Variants in YIPF4 observed in about 807,000 individuals in gnomAD.
YIPF4 encodes protein YIPF4.
YIPF4 carries 18 observed loss-of-function variants against 29.4 expected under a neutral mutation model. The ratio of observed to expected loss-of-function variants is 0.61; its 90% CI spans 0.42 to 0.91. YIPF4 has a LOEUF of 0.91. Among genes scored for constraint, YIPF4 ranks in the 40% least tolerant of loss-of-function variants. YIPF4 has a pLI of 0.00. For synonymous variants in YIPF4, 115 were observed against 104.7 expected, an observed-to-expected ratio of 1.10 and a Z score of -0.60; for missense variants, 279 against 282.7, an observed-to-expected ratio of 0.99 and a Z score of 0.09.
rs1397061564 is a variant in YIPF4, at chr2:32,311,241, C to A, written c.*5615C>A. 5 of 152,150 alleles carry A rather than the reference C, an allele frequency of 3.3e-5. No homozygotes were observed. Among genetic ancestry groups the A allele is most frequent in the Non-Finnish European group, 5.9e-5 (4 of 68,034 alleles). 9.4% of individuals were successfully genotyped at this position (152,150 alleles called of 1,614,324 possible). ...ATAACAAACTGGTGAAAATTTTAGACCAAACCATGTCTTTCTGGGTTGTAG... is the reference window on the plus strand; with the variant it reads ...ATAACAAACTGGTGAAAATTTTAGAACAAACCATGTCTTTCTGGGTTGTAG... On this transcript the variant is annotated 3_prime_UTR_variant, in exon 6 of 6. Transcript: ENST00000238831.
At chr2:32,289,131 G>T (rs2030809265) in intron 1 of YIPF4, among the ~76,000 whole-genome samples, 1 of 152,140 alleles carries the variant, frequency 6.6e-6, no homozygotes, top group Non-Finnish European at 1.5e-5. Flanking sequence ...AACTTTAAGT[G>T]GTGAATTCAA....
At chr2:32,278,351 G>T in intron 1 of YIPF4, 117 bp downstream of exon 1, 3 of 1,022,806 alleles carry the variant, frequency 2.9e-6, no homozygotes. Context: ...AAGCTGACTG[G>T]TGACTGCAGC....
At chr2:32,289,618 C>T (rs2030826687) in intron 1 of YIPF4, among the ~76,000 whole-genome samples, 1 of 151,556 alleles carries the variant, frequency 6.6e-6, no homozygotes, top group African/African-American at 2.4e-5. Context: ...CTTTTTAATC[C>T]CTATGTGACC....
At position 32,316,051 on chromosome 2, in the gene YIPF4, A is replaced by T. The variant is rs1290649618; in HGVS notation, c.*10425A>T. 6.6e-6 allele frequency: 1 copy of T among 151,620 alleles called. No individual in the cohort carries two copies. Among genetic ancestry groups the T allele is most frequent in the South Asian group, 2.1e-4 (1 of 4,834 alleles). 9.4% of individuals were successfully genotyped at this position (151,620 alleles called of 1,614,324 possible). A position where few individuals can be genotyped will look rare whatever the true frequency, so the allele number is the denominator to read the frequency against. On this transcript the variant is annotated 3_prime_UTR_variant, in exon 6 of 6. Coordinates refer to ENST00000238831, the MANE Select transcript of YIPF4 (RefSeq NM_032312.4). ...AAAAAAAAAAAAAAACCAAAAAAAA[A>T]AAAAAAGTATAAAGCACAGAAGCGA...
chr2:32,289,302 T>G (rs1238130020), intron 1 of YIPF4, among the ~76,000 whole-genome samples: 4 of 152,252 alleles, frequency 2.6e-5, no homozygotes, highest in African/African-American at 9.6e-5. Context: ...AGCTTCAGAA[T>G]GTAAACATTT....
Position 32,310,806 on chromosome 2 carries a change from G to T in YIPF4, c.*5180G>T, listed in dbSNP as rs1432286404. The stretch of plus-strand genomic sequence containing the variant: ...CAGGAGAATTGCTTGAGCCTGGGAG[G>T]TTGAGGCTGCAGTGAGCCGCGATCA... On this transcript the variant is annotated 3_prime_UTR_variant, in exon 6 of 6. Transcript: ENST00000238831. The T allele has an allele frequency of 6.6e-6, 1 of 152,116 alleles. No homozygotes were observed. The highest frequency in any genetic ancestry group is 2.4e-5 in the African/African-American group (1 of 41,400). 9.4% of individuals were successfully genotyped at this position (152,116 alleles called of 1,614,324 possible).
intron 2 of YIPF4, among the ~76,000 whole-genome samples, chr2:32,291,530 C>CAA (rs1236414465): frequency 6.6e-6 from 1 of 152,088 alleles, no homozygotes; most frequent in Admixed American, 6.6e-5. Flanking sequence ...GGTGAAAAAG[C>CAA]AAGACTCTTG....
At position 32,315,250 on chromosome 2, in the gene YIPF4, T is replaced by G. The variant is rs566103991; in HGVS notation, c.*9624T>G. The stretch of plus-strand genomic sequence containing the variant: ...GTCAAAGGTGTCCTTATTTAAAATC[T>G]CTGGAAGCCCCACTTAGTGGCTTCC... On this transcript the variant is annotated 3_prime_UTR_variant, in exon 6 of 6. Transcript: ENST00000238831. 6.6e-6 allele frequency: 1 copy of G among 152,310 alleles called. No homozygotes were observed. The highest frequency in any genetic ancestry group is 1.5e-5 in the Non-Finnish European group (1 of 68,028). 9.4% of individuals were successfully genotyped at this position (152,310 alleles called of 1,614,324 possible).
At chr2:32,281,850 A>C (rs1020113083) in intron 1 of YIPF4, among the ~76,000 whole-genome samples, 2 of 147,660 alleles carry the variant, frequency 1.4e-5, no homozygotes, top group African/African-American at 5.0e-5. Flanking sequence ...AGCCAAGATC[A>C]TGCCATCACA....
rs764343497 is a variant in YIPF4, at chr2:32,300,627, T to C, written c.484-755T>C. ...ATTCTAATAGACACTTAAAGTATAT[T>C]TGTTTATATATTATTTCTTATGTCC... On this transcript the variant is annotated intron_variant, in intron 4 of 5. Coordinates refer to ENST00000238831, the MANE Select transcript of YIPF4 (RefSeq NM_032312.4). Among the ~76,000 whole-genome samples the C allele has an allele frequency of 4.1e-4, 63 of 151,994 alleles. 1 individual carries two copies. The highest frequency in any genetic ancestry group is 2.4e-4 in the Non-Finnish European group (16 of 68,024).
intron 5 of YIPF4, among the ~76,000 whole-genome samples, chr2:32,303,865 TAGTGAAC>T (rs1424595898): frequency 6.6e-6 from 1 of 152,202 alleles, no homozygotes; most frequent in African/African-American, 2.4e-5. Flanking sequence ...ATTCCAGCCT[TAGTGAAC>T]ATACCACTCA....
Position 32,316,036 on chromosome 2 carries a change from A to ACC in YIPF4, c.*10410_*10411insCC, listed in dbSNP as rs1558486569. 4 of 150,544 alleles carry ACC rather than the reference A, an allele frequency of 2.7e-5. No homozygotes were observed. The highest frequency in any genetic ancestry group is 6.6e-5 in the Admixed American group (1 of 15,134). The allele number at this position is 150,544 out of a possible 1,614,324, so 9.3% of individuals were successfully genotyped here. A position where few individuals can be genotyped will look rare whatever the true frequency, so the allele number is the denominator to read the frequency against. Reference sequence around the variant, plus strand: ...TTCTCCCCAAAAAGGAAAAAAAAAAAAAAACCAAAAAAAAAAAAAAAGTAT... The same window carrying ACC: ...TTCTCCCCAAAAAGGAAAAAAAAAAACCAAAACCAAAAAAAAAAAAAAAGTAT... On this transcript the variant is annotated 3_prime_UTR_variant, in exon 6 of 6. Coordinates refer to ENST00000238831, the MANE Select transcript of YIPF4 (RefSeq NM_032312.4).
intron 2 of YIPF4, 75 bp downstream of exon 2, chr2:32,290,711 T>G (rs2030874344): frequency 9.3e-7 from 1 of 1,078,124 alleles, no homozygotes. Flanking sequence ...TCTTGTTATT[T>G]AGAGAGAAAG....
At chr2:32,303,615 G>C (rs1202209807) in intron 5 of YIPF4, among the ~76,000 whole-genome samples, 1 of 152,198 alleles carries the variant, frequency 6.6e-6, no homozygotes, top group Non-Finnish European at 1.5e-5. Context: ...GAGCCCAAGA[G>C]GTTGAGGCTG....
At position 32,295,975 on chromosome 2, in the gene YIPF4, A is replaced by G. The variant is rs1438356374; in HGVS notation, c.406-2259A>G. On this transcript the variant is annotated intron_variant, in intron 3 of 5. Coordinates refer to ENST00000238831, the MANE Select transcript of YIPF4 (RefSeq NM_032312.4). The stretch of plus-strand genomic sequence containing the variant: ...CAAGGTAATCCAGAATAATCTCTCC[A>G]TCACAAGATACTTGATGCATTACTA... 3.3e-5 allele frequency among the ~76,000 whole-genome samples: 5 copies of G among 152,180 alleles called. No homozygotes were observed. The East Asian group carries it at 5.8e-4, about 18-fold the overall frequency.
intron 1 of YIPF4, among the ~76,000 whole-genome samples, chr2:32,281,929 G>A (rs990954624): frequency 6.8e-6 from 1 of 147,536 alleles, no homozygotes; most frequent in African/African-American, 2.5e-5. Flanking sequence ...AACCATGGTA[G>A]TGCACACCTG....
rs1461283037 is a variant in YIPF4 at position 32,310,920 on chromosome 2, C to T, written c.*5294C>T. 1.3e-5 allele frequency: 2 copies of T among 151,972 alleles called. No individual in the cohort carries two copies. The highest frequency in any genetic ancestry group is 4.8e-5 in the African/African-American group (2 of 41,374). The allele number at this position is 151,972 out of a possible 1,614,324, so 9.4% of individuals were successfully genotyped here. On this transcript the variant is annotated 3_prime_UTR_variant, in exon 6 of 6. Transcript: ENST00000238831. ...AAAATTGCATGTAAGTTGACCCGCA[C>T]TATTCAAATTTGTGGTGTTCAAGGT...
At chr2:32,298,013 T>G (rs1382914737) in intron 3 of YIPF4, among the ~76,000 whole-genome samples, 2 of 152,268 alleles carry the variant, frequency 1.3e-5, no homozygotes, top group Admixed American at 6.5e-5. Flanking sequence ...TGAGGTTTCT[T>G]TAGGCAATTG....
intron 1 of YIPF4, among the ~76,000 whole-genome samples, chr2:32,283,061 A>G (rs1308611749): frequency 2.5e-4 from 37 of 148,282 alleles, no homozygotes; most frequent in Non-Finnish European, 1.5e-5. Flanking sequence ...TGGGCGACAG[A>G]GTGAGACTGT....
Sources: allele counts gnomAD v4.1 joint callset (sites outside exome capture counted in the v4.1 genomes callset), GRCh38; gene constraint gnomAD v4.1.1; transcripts MANE v1.5; gene names NCBI Gene and HGNC (gene_info 2026-07-23, HGNC 2026-07-21).